Variants in PTPN9 observed in about 807,000 individuals in gnomAD.
The protein encoded by PTPN9 is protein tyrosine phosphatase non-receptor type 9.
PTPN9 carries 26 observed loss-of-function variants against 69.8 expected under a neutral mutation model. The ratio of observed to expected loss-of-function variants is 0.37; its 90% CI spans 0.27 to 0.52. PTPN9 has a LOEUF of 0.52. PTPN9 is among the 20% of genes least tolerant of loss of function. The probability of loss-of-function intolerance (pLI) is 0.91; values close to 1 mark genes in which losing one functional copy is unlikely to be tolerated. For missense variants in PTPN9, 549 were observed against 740.3 expected (o/e 0.74, Z 3.00); for synonymous variants, 274 against 272.5 (o/e 1.01, Z -0.05).
intron 7 of PTPN9, among the ~76,000 whole-genome samples, chr15:75,503,765 G>A (rs1214282725): frequency 1.5e-5 from 1 of 67,850 alleles, no homozygotes. Flanking sequence ...ATCCGGGAGG[G>A]AGGTGGGGGG....
At chr15:75,506,318 G>A (rs1027821782) in intron 6 of PTPN9, among the ~76,000 whole-genome samples, 44 of 152,208 alleles carry the variant, frequency 2.9e-4, no homozygotes, top group Admixed American at 2.4e-3. Context: ...TCCCAGCATC[G>A]CTGCATGCTG....
At chr15:75,484,124 C>T (rs551485688) in intron 8 of PTPN9, among the ~76,000 whole-genome samples, 1 of 152,292 alleles carries the variant, frequency 6.6e-6, no homozygotes, top group East Asian at 1.9e-4. Context: ...CATTCAGTCT[C>T]CTAATGACGG....
intron 7 of PTPN9, among the ~76,000 whole-genome samples, chr15:75,504,519 G>T (rs1363296515): frequency 7.2e-6 from 1 of 137,942 alleles, no homozygotes; most frequent in South Asian, 2.3e-4. Context: ...GGTGGGGGGG[G>T]TCAGCCCCCC....
At chr15:75,578,087 G>A (rs2075181895) in intron 1 of PTPN9, among the ~76,000 whole-genome samples, 2 of 152,214 alleles carry the variant, frequency 1.3e-5, no homozygotes, top group African/African-American at 4.8e-5. Flanking sequence ...ACGAGGGTAG[G>A]GAAGCGCGGG....
In PTPN9 at chr15:75,490,250, G is replaced by A; in HGVS notation, c.1020C>T (p.Asp340=). 1 of 1,613,790 alleles carries A rather than the reference G, an allele frequency of 6.2e-7. No homozygotes were observed. The highest frequency in any genetic ancestry group is 8.5e-7 in the Non-Finnish European group (1 of 1,179,760). ...KNRYGDVPCL[D]QTRVKLTKRS... ...GCTTTGTTAGCTTCACTCTAGTTTG[G>A]TCCAGGCAGGGTACATCCCCATAAC... Residue 340 remains aspartate, a synonymous_variant, in exon 8 of 13, where the codon GAC becomes GAT. Coordinates refer to ENST00000618819, the MANE Select transcript of PTPN9 (RefSeq NM_002833.4).
chr15:75,498,337 G>C (rs1436023523), intron 7 of PTPN9, among the ~76,000 whole-genome samples: 1 of 151,904 alleles, frequency 6.6e-6, no homozygotes, highest in East Asian at 1.9e-4. Flanking sequence ...ATTTGGAAAG[G>C]ACAAAATTAG....
At chr15:75,547,316 AGG>A (rs2075037699) in intron 1 of PTPN9, among the ~76,000 whole-genome samples, 1 of 126,170 alleles carries the variant, frequency 7.9e-6, no homozygotes. Flanking sequence ...AAAAAAAAAA[AGG>A]CCAGGCACAG....
intron 1 of PTPN9, among the ~76,000 whole-genome samples, chr15:75,558,161 C>T (rs2075085622): frequency 6.6e-6 from 1 of 152,142 alleles, no homozygotes; most frequent in African/African-American, 2.4e-5. Context: ...AACACTGTCT[C>T]TACTAAAAAT....
chr15:75,490,250 G>T lies in PTPN9; in HGVS notation c.1020C>A (p.Asp340Glu). ...GCTTTGTTAGCTTCACTCTAGTTTG[G>T]TCCAGGCAGGGTACATCCCCATAAC... ...KNRYGDVPCL[D>E]QTRVKLTKRS... Residue 340 changes from aspartate to glutamate, a missense_variant, in exon 8 of 13, where the codon GAC becomes GAA. By Grantham distance (45) the Asp-to-Glu change is conservative. Transcript: ENST00000618819. The T allele has an allele frequency of 6.2e-7, 1 of 1,613,790 alleles. No homozygotes were observed. The highest frequency in any genetic ancestry group is 8.5e-7 in the Non-Finnish European group (1 of 1,179,760).
chr15:75,468,548 C>A lies in PTPN9; in HGVS notation c.*221G>T. 2.1e-6 allele frequency: 1 copy of A among 470,780 alleles called. No homozygotes were observed. Among genetic ancestry groups the A allele is most frequent in the Non-Finnish European group, 3.8e-6 (1 of 260,138 alleles). 29.2% of individuals were successfully genotyped at this position (470,780 alleles called of 1,614,324 possible). A position where few individuals can be genotyped will look rare whatever the true frequency, so the allele number is the denominator to read the frequency against. On this transcript the variant is annotated 3_prime_UTR_variant, in exon 13 of 13. Transcript: ENST00000618819. ...ATAAGGCACAGTTTGATAGCAGATG[C>A]TAGGAATTAAGAACACATTGCTACT...
chr15:75,469,456 G>A (rs190390924), intron 12 of PTPN9, among the ~76,000 whole-genome samples: 48 of 152,348 alleles, frequency 3.2e-4, no homozygotes, highest in Admixed American at 2.9e-3. Context: ...GCACAGGGTG[G>A]GGAGTCCCTC....
At chr15:75,569,567 T>C (rs2075139834) in intron 1 of PTPN9, among the ~76,000 whole-genome samples, 1 of 149,294 alleles carries the variant, frequency 6.7e-6, no homozygotes, top group African/African-American at 2.5e-5. Context: ...TAGCTGGGCG[T>C]GGTGGCGGGC....
At chr15:75,560,889 C>T (rs891033768) in intron 1 of PTPN9, among the ~76,000 whole-genome samples, 3 of 151,494 alleles carry the variant, frequency 2.0e-5, no homozygotes, top group Admixed American at 1.3e-4. Context: ...CATGGTGGCT[C>T]GTGCCTGTAA....
At chr15:75,565,050 G>A (rs1375153505) in intron 1 of PTPN9, among the ~76,000 whole-genome samples, 2 of 150,296 alleles carry the variant, frequency 1.3e-5, no homozygotes, top group African/African-American at 2.4e-5. Flanking sequence ...GCAGTGAGCC[G>A]AGATTCTACC....
At chr15:75,568,957 A>G (rs1281347445) in intron 1 of PTPN9, among the ~76,000 whole-genome samples, 1 of 152,202 alleles carries the variant, frequency 6.6e-6, no homozygotes, top group African/African-American at 2.4e-5. Flanking sequence ...AGCACTGAGA[A>G]GTGTAGGCTA....
At chr15:75,473,397 G>A (rs747582520) in intron 10 of PTPN9, among the ~76,000 whole-genome samples, 2 of 152,044 alleles carry the variant, frequency 1.3e-5, no homozygotes, top group Non-Finnish European at 2.9e-5. Context: ...TTACAGGCAC[G>A]CACCACAATG....
intron 7 of PTPN9, among the ~76,000 whole-genome samples, chr15:75,504,392 G>GC (rs1412533318): frequency 8.6e-6 from 1 of 116,436 alleles, no homozygotes; most frequent in African/African-American, 3.4e-5. Flanking sequence ...GGGGGGCTCA[G>GC]CCCCCCGCCC....
At position 75,472,327 on chromosome 15, in the gene PTPN9, C is replaced by T. The variant is rs1434262433; in HGVS notation, c.1208+1362G>A. On this transcript the variant is annotated intron_variant, in intron 10 of 12. Transcript: ENST00000618819. ...ACAAAAAATTAGCCGGGCGAGGTGGCGGGCGCCTGAAGTCCCAGCTACTCG... is the reference window on the plus strand; with the variant it reads ...ACAAAAAATTAGCCGGGCGAGGTGGTGGGCGCCTGAAGTCCCAGCTACTCG... Among the ~76,000 whole-genome samples the T allele has an allele frequency of 4.6e-5, 7 of 151,042 alleles. No individual in the cohort carries two copies. In the East Asian group the frequency reaches 1.2e-3, roughly 25 times the overall value.
At chr15:75,578,673 G>A (rs2075184884) in intron 1 of PTPN9, 41 bp downstream of exon 1, 3 of 1,347,086 alleles carry the variant, frequency 2.2e-6, no homozygotes, top group Non-Finnish European at 2.9e-6. Context: ...AGGCCTCGGG[G>A]GCCCGGACAC....
Sources: allele counts gnomAD v4.1 joint callset (sites outside exome capture counted in the v4.1 genomes callset), GRCh38; gene constraint gnomAD v4.1.1; transcripts MANE v1.5; gene names NCBI Gene and HGNC (gene_info 2026-07-23, HGNC 2026-07-21).